RELN: variants seen among roughly 807,000 people sequenced by gnomAD.
RELN encodes the protein reelin.
A neutral mutation model predicts 427.6 loss-of-function variants in RELN; 108 were observed. The ratio of observed to expected loss-of-function variants is 0.25; its 90% CI spans 0.22 to 0.30. RELN has a LOEUF of 0.30. Among genes scored for constraint, RELN ranks in the 10% least tolerant of loss-of-function variants. RELN has a pLI of 1.00. For missense variants in RELN, 3,715 were observed against 4,302.8 expected (o/e 0.86, Z 3.82); for synonymous variants, 1,524 against 1,513.4 (o/e 1.01, Z -0.16).
intron 12 of RELN, among the ~76,000 whole-genome samples, chr7:103,658,729 G>A (rs1218296731): frequency 6.6e-6 from 1 of 151,586 alleles, no homozygotes; most frequent in African/African-American, 2.4e-5. Flanking sequence ...TTATACTTGG[G>A]CTTTCCAGGC....
intron 8 of RELN, among the ~76,000 whole-genome samples, chr7:103,712,264 A>T (rs1329201336): frequency 1.4e-5 from 2 of 143,226 alleles, no homozygotes; most frequent in Non-Finnish European, 3.2e-5. Flanking sequence ...ATGCATACAG[A>T]GCCAGGAAGT....
chr7:103,524,105 A>C (rs1370694694), intron 46 of RELN, among the ~76,000 whole-genome samples: 1 of 152,224 alleles, frequency 6.6e-6, no homozygotes, highest in Non-Finnish European at 1.5e-5. Flanking sequence ...GACAGTCAGA[A>C]ACAAAAACGA....
chr7:103,748,673 G>T (rs969075580), intron 6 of RELN, among the ~76,000 whole-genome samples: 1 of 152,184 alleles, frequency 6.6e-6, no homozygotes, highest in Non-Finnish European at 1.5e-5. Context: ...TGACATTCAA[G>T]GATGAAATGA....
intron 2 of RELN, among the ~76,000 whole-genome samples, chr7:103,894,080 T>TAAA (rs1794908131): frequency 3.9e-5 from 6 of 152,286 alleles, no homozygotes; most frequent in Admixed American, 2.0e-4. Flanking sequence ...GTACAACTAT[T>TAAA]AAAATGTTAC....
chr7:103,575,497 A>G (rs1342102546), intron 29 of RELN, 51 bp downstream of exon 29: 1 of 1,539,606 alleles, frequency 6.5e-7, no homozygotes. Flanking sequence ...CACAGCAACT[A>G]GAGATGACTA....
chr7:103,756,018 A>G (rs1562993812), intron 4 of RELN, among the ~76,000 whole-genome samples: 1 of 152,186 alleles, frequency 6.6e-6, no homozygotes, highest in Non-Finnish European at 1.5e-5. Flanking sequence ...GACAATTATT[A>G]ATTAGAAATA....
intron 3 of RELN, among the ~76,000 whole-genome samples, chr7:103,783,160 C>CTTTT (rs908073449): frequency 1.2e-5 from 1 of 81,622 alleles, no homozygotes; most frequent in Non-Finnish European, 2.3e-5. Flanking sequence ...TTTTCTCTTT[C>CTTTT]TTTCTTTTTT....
chr7:103,682,772 TCA>T (rs1833683217), intron 10 of RELN, among the ~76,000 whole-genome samples: 1 of 152,168 alleles, frequency 6.6e-6, no homozygotes, highest in Non-Finnish European at 1.5e-5. Flanking sequence ...CCAGATATAA[TCA>T]CATATTCTCA....
chr7:103,740,445 ATAAATTTT>A (rs1262348483), intron 6 of RELN, among the ~76,000 whole-genome samples: 2 of 152,246 alleles, frequency 1.3e-5, no homozygotes, highest in African/African-American at 4.8e-5. Context: ...TTTTAACCAC[ATAAATTTT>A]TAAATTTTTA....
chr7:103,986,393 G>A (rs532007516), intron 1 of RELN, among the ~76,000 whole-genome samples: 3 of 152,034 alleles, frequency 2.0e-5, no homozygotes, highest in African/African-American at 7.2e-5. Flanking sequence ...AGATTTTTTA[G>A]TACTATATAT....
At chr7:103,724,192 G>GT (rs764205678) in intron 7 of RELN, among the ~76,000 whole-genome samples, 344 of 150,766 alleles carry the variant, frequency 2.3e-3, no homozygotes, top group Non-Finnish European at 3.9e-3. Context: ...TCGTTGTTTT[G>GT]TTTTTTTTGA....
chr7:103,624,758 T>C (rs1171510118), intron 20 of RELN, among the ~76,000 whole-genome samples: 1 of 152,126 alleles, frequency 6.6e-6, no homozygotes, highest in African/African-American at 2.4e-5. Context: ...CTGATTTCAC[T>C]TTTTTCATGT....
Position 103,557,966 on chromosome 7 carries a change from T to G in RELN, c.5613A>C (p.Lys1871Asn), listed in dbSNP as rs368944281. ...GGAAAATAATAAATTCATACTTACT[T>G]TTTGCTATAAATCTAAGTGAAAACT... ...YVQFSLRFIA[K>N]STPERSHSIL... The change falls in exon 37 of 65, where the codon AAA becomes AAC. Residue 1871 changes from lysine (K) to asparagine (N), a missense_variant and splice_region_variant. Coordinates refer to ENST00000428762, the MANE Select transcript of RELN (RefSeq NM_005045.4). 1 of 1,271,462 alleles carries G rather than the reference T, an allele frequency of 7.9e-7. No homozygotes were observed. Among genetic ancestry groups the G allele is most frequent in the Non-Finnish European group, 1.2e-6 (1 of 867,852 alleles). 78.8% of individuals were successfully genotyped at this position (1,271,462 alleles called of 1,614,324 possible).
rs1216497076 is a variant in RELN, at chr7:103,495,729, C to T, written c.9363G>A (p.Gln3121=). 2 of 1,613,978 alleles carry T rather than the reference C, an allele frequency of 1.2e-6. No individual in the cohort carries two copies. Among genetic ancestry groups the T allele is most frequent in the Admixed American group, 1.7e-5 (1 of 60,010 alleles). Residue 3121 remains glutamine (Q), a synonymous_variant, in exon 57 of 65, where the codon CAG becomes CAA. Transcript: ENST00000428762. ...AAGAGCCACTTTTCCTTACTTTAAA[C>T]TGCATCATGTATCCTGGCTGTATAA... The part of the protein sequence containing the change: ...ELIIQPGYMM[Q]FKIVVGCEAT...
At chr7:103,629,906 C>A (rs1490143455) in intron 20 of RELN, 34 bp downstream of exon 20, 1 of 1,282,044 alleles carries the variant, frequency 7.8e-7, no homozygotes, top group African/African-American at 1.5e-5. Flanking sequence ...ATTCCTAGTG[C>A]AAATTGTAAC....
Position 103,620,716 on chromosome 7 carries a change from T to C in RELN, c.2703-8913A>G, listed in dbSNP as rs74896767. Among the ~76,000 whole-genome samples, 6,132 of 152,128 alleles carry C rather than the reference T, an allele frequency of 0.04. 170 individuals are homozygous for C. The highest frequency in any genetic ancestry group is 0.14 in the East Asian group (746 of 5,178). ...CTTGAACTCCTGACCTCAAGTGATC[T>C]GCCCGCCTCAGCCTCCCAAAGTGCT... On this transcript the variant is annotated intron_variant, in intron 20 of 64. Transcript: ENST00000428762. The surrounding 1 kb of genome is among the most constrained non-coding windows in gnomAD (Gnocchi z 4.1).
At chr7:103,900,632 C>T (rs894938109) in intron 2 of RELN, among the ~76,000 whole-genome samples, 10 of 151,888 alleles carry the variant, frequency 6.6e-5, no homozygotes, top group Non-Finnish European at 1.3e-4. Context: ...TATACAATCA[C>T]GTTATCTGCA....
At chr7:103,678,142 T>C (rs138461414) in intron 11 of RELN, among the ~76,000 whole-genome samples, 326 of 149,328 alleles carry the variant, frequency 2.2e-3, no homozygotes, top group African/African-American at 7.6e-3. Context: ...ATTGTGGCAA[T>C]AGCAGTAAAA....
rs531728585 is a variant in RELN, at chr7:103,570,975, T to C, written c.4588+1209A>G. On this transcript the variant is annotated intron_variant, in intron 31 of 64. Transcript: ENST00000428762. Reference sequence around the variant, plus strand: ...AGAACAGATTCTTAATAAATATTTATTGAAGAGATTAGGGAATGCAAAAAT... The same window carrying C: ...AGAACAGATTCTTAATAAATATTTACTGAAGAGATTAGGGAATGCAAAAAT... Among the ~76,000 whole-genome samples the C allele has an allele frequency of 1.2e-3, 189 of 152,310 alleles. 3 individuals carry two copies. The highest frequency in any genetic ancestry group is 4.4e-3 in the African/African-American group (181 of 41,564).
Sources: gnomAD v4.1 joint callset for allele counts (sites outside exome capture counted in the v4.1 genomes callset) on GRCh38, gnomAD v4.1.1 for gene constraint, Gnocchi (gnomAD v3.1) non-coding constraint, MANE v1.5 for transcripts, NCBI Gene and HGNC (gene_info 2026-07-23, HGNC 2026-07-21) for gene names.